Variants in ARHGAP9 observed in about 807,000 individuals in gnomAD.
ARHGAP9 encodes the protein rho GTPase-activating protein 9.
ARHGAP9 carries 76 observed loss-of-function variants against 87.3 expected under a neutral mutation model. The ratio of observed to expected loss-of-function variants is 0.87; its 90% confidence interval spans 0.72 to 1.05. ARHGAP9 has a LOEUF of 1.05. ARHGAP9 is among the 50% of genes least tolerant of loss of function. The probability of loss-of-function intolerance (pLI) is 0.00; values close to 1 mark genes in which losing one functional copy is unlikely to be tolerated. For synonymous variants in ARHGAP9, 382 were observed against 394.9 expected, an observed-to-expected ratio of 0.97 and a Z score of 0.39; for missense variants, 941 against 960.5, an observed-to-expected ratio of 0.98 and a Z score of 0.27.
At chr12:57,488,504 C>G in intron 1 of ARHGAP9, 1 of 1,439,142 alleles carries the variant, frequency 6.9e-7, no homozygotes, top group Non-Finnish European at 9.5e-7. Context: ...ATCAGGCATC[C>G]CCCTCTGCTC....
rs1183610352 is a variant in ARHGAP9 at position 57,478,670 on chromosome 12, A to G, written c.404T>C (p.Leu135Pro). 6.2e-7 allele frequency: 1 copy of G among 1,614,094 alleles called. No individual in the cohort carries two copies. The highest frequency in any genetic ancestry group is 8.5e-7 in the Non-Finnish European group (1 of 1,180,000). ...AQASSEQPPP[L>P]PRKMCRSVST... ...GACGCTCCTACACATTTTGCGGGGA[A>G]GTGGAGGAGGCTGCTCCGAGCTAGC... The change falls in exon 3 of 18, where the codon CTT becomes CCT. Residue 135 changes from leucine to proline, a missense_variant. Transcript: ENST00000393791.
chr12:57,484,686 C>T (rs1017702431), upstream of ARHGAP9, among the ~76,000 whole-genome samples: 7 of 152,160 alleles, frequency 4.6e-5, no homozygotes, highest in African/African-American at 1.7e-4. Flanking sequence ...CGTTCTGTTG[C>T]CAGCCTGGAG....
chr12:57,474,349 C>T (rs145106882), intron 15 of ARHGAP9, 74 bp downstream of exon 15: 25,292 of 1,597,050 alleles, frequency 0.016, 260 homozygotes, highest in Non-Finnish European at 0.017. Flanking sequence ...AGGAATAGTA[C>T]ATGGGGGTTT....
rs2139902486 is a variant in ARHGAP9, at chr12:57,474,923, T to C, written c.1603A>G (p.Thr535Ala). 1 of 1,614,160 alleles carries C rather than the reference T, an allele frequency of 6.2e-7. No individual in the cohort carries two copies. The highest frequency in any genetic ancestry group is 2.2e-5 in the East Asian group (1 of 44,884). ...LESLCQREGD[T>A]VPSFLRLCIA... The stretch of plus-strand genomic sequence containing the variant: ...CAGAGCCGCAAAAAGCTGGGCACCG[T>C]GTCTCCTTCCCGCTGGCAGAGTGAT... The change falls in exon 13 of 18, where the codon ACG becomes GCG. Residue 535 changes from threonine to alanine, a missense_variant. Transcript: ENST00000393791.
At position 57,477,158 on chromosome 12, in the gene ARHGAP9, G is replaced by A; in HGVS notation, c.868C>T (p.Gln290Ter). Residue 290 changes from glutamine to a stop codon, truncating the protein, a stop_gained and splice_region_variant, in exon 5 of 18, where the codon CAG becomes TAG. Transcript: ENST00000393791. LOFTEE classifies it high-confidence loss of function. ...CTGGGAGATGGGAGGGATCTCACCT[G>A]TGGGTCAAGCGGTTCTGGGGTCCCT... Reference protein sequence around the residue: ...DTGTPEPLDPQGSLSLSQRTS... With the variant: ...DTGTPEPLDP 1 of 1,613,632 alleles carries A rather than the reference G, an allele frequency of 6.2e-7. No individual in the cohort carries two copies. The highest frequency in any genetic ancestry group is 8.5e-7 in the Non-Finnish European group (1 of 1,179,712).
intron 1 of ARHGAP9, chr12:57,488,320 C>T: frequency 1.0e-5 from 9 of 899,492 alleles, no homozygotes; most frequent in South Asian, 9.5e-5. Context: ...GACCACTTCT[C>T]CTATTATCCT....
chr12:57,481,757 TACAAAC>T (rs961993186), upstream of ARHGAP9, among the ~76,000 whole-genome samples: 1 of 152,186 alleles, frequency 6.6e-6, no homozygotes, highest in African/African-American at 2.4e-5. Context: ...CTTTCTCTCC[TACAAAC>T]ACTCTGCTGG....
Position 57,475,309 on chromosome 12 carries a change from C to A in ARHGAP9, c.1534G>T (p.Glu512Ter), listed in dbSNP as rs772894728. Residue 512 changes from glutamate to a stop codon, truncating the protein, a stop_gained, in exon 12 of 18, where the codon GAG (glutamate) becomes TAG (stop). Coordinates refer to ENST00000393791, the MANE Select transcript of ARHGAP9 (RefSeq NM_032496.4). LOFTEE classifies it high-confidence loss of function. ...CCCTCACCTCGGAGCAGACCCCGCTCCTGCAGGCTTTGTAAGGGCGGTCTC... is the reference window on the plus strand; with the variant it reads ...CCCTCACCTCGGAGCAGACCCCGCTACTGCAGGCTTTGTAAGGGCGGTCTC... ...AKRPPLQSLQERGLLRDQVFG... is the reference protein window; with the variant it reads ...AKRPPLQSLQ The A allele has an allele frequency of 6.3e-7, 1 of 1,598,982 alleles. No individual in the cohort carries two copies. The highest frequency in any genetic ancestry group is 1.1e-5 in the South Asian group (1 of 88,584).
intron 1 of ARHGAP9, chr12:57,488,054 C>G: frequency 6.4e-7 from 1 of 1,573,666 alleles, no homozygotes; most frequent in African/African-American, 1.3e-5. Flanking sequence ...AAGCGGGAGG[C>G]CGGTTCCGGT....
chr12:57,472,720 G>A (rs780618432), intron 17 of ARHGAP9, 32 bp from the exon 18 acceptor site: 2 of 1,611,508 alleles, frequency 1.2e-6, no homozygotes, highest in East Asian at 4.5e-5. Context: ...GGGGATATAT[G>A]GCAGCAGCTT....
chr12:57,477,535 G>A lies in ARHGAP9; in HGVS notation c.680C>T (p.Ser227Phe). The part of the protein sequence containing the change: ...DAWEQHLDPN[S>F]GRCFYINSLT... ...TGAATTTATGTAGAAGCAGCGTCCA[G>A]AGTTGGGGTCCAGGTGCTGCTCCCA... is the stretch of plus-strand genomic sequence containing the variant. The change falls in exon 4 of 18, where the codon TCT (serine) becomes TTT (phenylalanine). Residue 227 changes from serine to phenylalanine, a missense_variant. Ser to Phe is a radical substitution (Grantham distance 155). Coordinates refer to ENST00000393791, the MANE Select transcript of ARHGAP9 (RefSeq NM_032496.4). 1.9e-6 allele frequency: 3 copies of A among 1,614,070 alleles called. No individual in the cohort carries two copies. The highest frequency in any genetic ancestry group is 2.5e-6 in the Non-Finnish European group (3 of 1,179,990).
rs974705193 is a variant in ARHGAP9, at chr12:57,477,520, T to C, written c.695A>G (p.Tyr232Cys). 3.1e-6 allele frequency: 5 copies of C among 1,613,956 alleles called. No individual in the cohort carries two copies. Among genetic ancestry groups the C allele is most frequent in the East Asian group, 2.2e-5 (1 of 44,882 alleles). Reference protein sequence around the residue: ...HLDPNSGRCFYINSLTGCKSW... With the variant: ...HLDPNSGRCFCINSLTGCKSW... ...CTTGCAGCCAGTCAGTGAATTTATGTAGAAGCAGCGTCCAGAGTTGGGGTC... is the reference window on the plus strand; with the variant it reads ...CTTGCAGCCAGTCAGTGAATTTATGCAGAAGCAGCGTCCAGAGTTGGGGTC... Residue 232 changes from tyrosine to cysteine, a missense_variant, in exon 4 of 18, where the codon TAC (tyrosine) becomes TGC (cysteine). Tyr to Cys is a radical substitution (Grantham distance 194). Coordinates refer to ENST00000393791, the MANE Select transcript of ARHGAP9 (RefSeq NM_032496.4).
Position 57,474,672 on chromosome 12 carries a change from G to A in ARHGAP9, c.1683C>T (p.Ser561=), listed in dbSNP as rs561435439. The change falls in exon 14 of 18, where the codon AGC becomes AGT. Residue 561 remains serine (S), a synonymous_variant. Coordinates refer to ENST00000393791, the MANE Select transcript of ARHGAP9 (RefSeq NM_032496.4). ...GCTTCTGGACCACTGCCAAGTTCCC[G>A]CTCACCCGATAAATGCCATCCACAT... ...GLDVDGIYRV[S]GNLAVVQKLR... 21 of 1,614,160 alleles carry A rather than the reference G, an allele frequency of 1.3e-5. No individual in the cohort carries two copies. Among genetic ancestry groups the A allele is most frequent in the South Asian group, 7.7e-5 (7 of 91,080 alleles).
At chr12:57,479,611 G>C in intron 1 of ARHGAP9, 119 bp downstream of exon 1, 1 of 1,540,746 alleles carries the variant, frequency 6.5e-7, no homozygotes, top group South Asian at 1.2e-5. Context: ...AACTCCTGGT[G>C]GTGTCTGGTG....
chr12:57,476,111 G>C lies in ARHGAP9; in HGVS notation c.1172C>G (p.Ala391Gly). Residue 391 changes from alanine to glycine, a missense_variant, in exon 9 of 18, where the codon GCG becomes GGG. By Grantham distance (60) the Ala-to-Gly change is moderately conservative (BLOSUM62 0). Transcript: ENST00000393791. Reference sequence around the variant, plus strand: ...GCGGCTGGACAGGTGGCGGCCGTGCGCCAGGGCCGCCCCGCGCAGGTCCAC... The same window carrying C: ...GCGGCTGGACAGGTGGCGGCCGTGCCCCAGGGCCGCCCCGCGCAGGTCCAC... Reference protein sequence around the residue: ...SSVDLRGAALAHGRHLSSRRN... With the variant: ...SSVDLRGAALGHGRHLSSRRN... 1 of 1,540,314 alleles carries C rather than the reference G, an allele frequency of 6.5e-7. No individual in the cohort carries two copies. The highest frequency in any genetic ancestry group is 1.4e-5 in the African/African-American group (1 of 72,974).
In ARHGAP9 at chr12:57,479,187, G is replaced by C. The variant is rs980820658; in HGVS notation, c.220C>G (p.Arg74Gly). 2 of 1,614,200 alleles carry C rather than the reference G, an allele frequency of 1.2e-6. No homozygotes were observed. Among genetic ancestry groups the C allele is most frequent in the Admixed American group, 1.7e-5 (1 of 60,024 alleles). The change falls in exon 2 of 18, where the codon CGA becomes GGA. Residue 74 changes from arginine (R) to glycine (G), a missense_variant. Arg to Gly is a moderately radical substitution (Grantham distance 125). Coordinates refer to ENST00000393791, the MANE Select transcript of ARHGAP9 (RefSeq NM_032496.4). ...ARRLEAPSTSRPIFVPAAYMI... is the reference protein window; with the variant it reads ...ARRLEAPSTSGPIFVPAAYMI... ...TAGGCTGCTGGGACGAAGATGGGTC[G>C]AGAGGTGGAGGGAGCTTCTAGGCGT...
rs1209733629 is a variant in ARHGAP9, at chr12:57,475,945, A to G, written c.1213-14T>C. 1 of 1,609,698 alleles carries G rather than the reference A, an allele frequency of 6.2e-7. No homozygotes were observed. The highest frequency in any genetic ancestry group is 1.7e-5 in the Admixed American group (1 of 59,444). On this transcript the variant is annotated splice_polypyrimidine_tract_variant and intron_variant, in intron 9 of 17. Coordinates refer to ENST00000393791, the MANE Select transcript of ARHGAP9 (RefSeq NM_032496.4). ...GATCGTGCGGATCTGAGGGCCAGGC[A>G]AGGAAACGCTCGGGTCAACGGGAAG...
rs765011433 is a variant in ARHGAP9, at chr12:57,477,737, T to C, written c.535-57A>G. 9.9e-5 allele frequency: 157 copies of C among 1,590,428 alleles called. 1 individual carries two copies. The Admixed American group carries it at 2.7e-3, about 27-fold the overall frequency. ...ATTCTGCCTGTTGCCCTTCCCATGCTTCTCTTGGCCTTCCCACCTCCTGCT... is the reference window on the plus strand; with the variant it reads ...ATTCTGCCTGTTGCCCTTCCCATGCCTCTCTTGGCCTTCCCACCTCCTGCT... On this transcript the variant is annotated intron_variant, in intron 3 of 17. Transcript: ENST00000393791.
rs901469053 is a variant in ARHGAP9, at chr12:57,475,261, T to A, written c.1552+30A>T. The A allele has an allele frequency of 3.9e-6, 6 of 1,552,378 alleles. No individual in the cohort carries two copies. In the Admixed American group the frequency reaches 9.8e-5, roughly 25 times the overall value. On this transcript the variant is annotated intron_variant, in intron 12 of 17. Transcript: ENST00000393791. ...TACTCTGAGCCTCGCTGGAGTTTTC[T>A]TATCCATGAACCTGGCCCAGCCCCC...
Sources: allele counts gnomAD v4.1 joint callset (sites outside exome capture counted in the v4.1 genomes callset), GRCh38; gene constraint gnomAD v4.1.1; transcripts MANE v1.5; gene names NCBI Gene and HGNC (gene_info 2026-07-23, HGNC 2026-07-21).